The following GLT8D2 variants were observed in gnomAD, a reference collection of about 807,000 sequenced individuals.
GLT8D2 encodes glycosyltransferase 8 domain-containing protein 2.
GLT8D2 carries 45 observed loss-of-function variants against 44.5 expected under a neutral mutation model. The ratio of observed to expected loss-of-function variants is 1.01; its 90% CI spans 0.80 to 1.30. The LOEUF is 1.30. Ranked by LOEUF, GLT8D2 falls within the 50% of genes most tolerant of loss-of-function variation. The pLI is 0.00. For missense variants in GLT8D2, 400 were observed against 430.4 expected, an observed-to-expected ratio of 0.93 and a Z score of 0.62; for synonymous variants, 156 against 157.2, an observed-to-expected ratio of 0.99 and a Z score of 0.06.
chr12:104,049,370 A>AAAAGCATTT (rs1881500594), intron 1 of GLT8D2: 1 of 152,104 alleles, frequency 6.6e-6, no homozygotes, highest in Admixed American at 6.5e-5. Flanking sequence ...TTAATGTTTA[A>AAAAGCATTT]AAAGCATTTT....
intron 1 of GLT8D2, among the ~76,000 whole-genome samples, chr12:104,048,363 C>G (rs918482862): frequency 1.3e-5 from 2 of 152,192 alleles, no homozygotes; most frequent in African/African-American, 2.4e-5. Context: ...TTCTCAGGAC[C>G]TTTAAAATGC....
In GLT8D2 at chr12:103,996,673, G is replaced by T. The variant is rs1566190361; in HGVS notation, c.600+62C>A. 5.2e-6 allele frequency: 6 copies of T among 1,161,522 alleles called. No individual in the cohort carries two copies. In the Admixed American group the frequency reaches 1.1e-4, roughly 22 times the overall value. 72.0% of individuals were successfully genotyped at this position (1,161,522 alleles called of 1,614,324 possible). On this transcript the variant is annotated intron_variant, in intron 8 of 10. Coordinates refer to ENST00000360814, the MANE Select transcript of GLT8D2 (RefSeq NM_001384711.1). ...GGTTACACTCATTTTGACTTGCAGA[G>T]GGGGGAGAAGGGGCCAGAGTTGTAG... is the stretch of plus-strand genomic sequence containing the variant.
chr12:104,014,078 A>G (rs1425317207), intron 4 of GLT8D2, among the ~76,000 whole-genome samples: 1 of 152,192 alleles, frequency 6.6e-6, no homozygotes, highest in Non-Finnish European at 1.5e-5. Flanking sequence ...TATAAAAAGT[A>G]AATTAGCTGG....
chr12:104,056,199 G>T (rs1281715839), intron 1 of GLT8D2, among the ~76,000 whole-genome samples: 1 of 152,174 alleles, frequency 6.6e-6, no homozygotes, highest in East Asian at 1.9e-4. Flanking sequence ...CAAGATCCAT[G>T]GCTGGAGCCC....
At chr12:104,034,571 A>G (rs1357706933) in intron 1 of GLT8D2, among the ~76,000 whole-genome samples, 1 of 152,260 alleles carries the variant, frequency 6.6e-6, no homozygotes, top group Non-Finnish European at 1.5e-5. Context: ...CCTGCGAGGC[A>G]GCAGCCTGGC....
At chr12:104,021,965 G>GGAAGAA (rs1491401520) in intron 1 of GLT8D2, among the ~76,000 whole-genome samples, 8 of 8,890 alleles carry the variant, frequency 9.0e-4, no homozygotes, top group Non-Finnish European at 1.3e-3. Context: ...AGGAAGAAGA[G>GGAAGAA]GAAGAGGAAG....
intron 1 of GLT8D2, among the ~76,000 whole-genome samples, chr12:104,058,994 T>G (rs1286559278): frequency 6.6e-6 from 1 of 152,238 alleles, no homozygotes; most frequent in African/African-American, 2.4e-5. Context: ...GGACAAAGGA[T>G]GATTCACATC....
At chr12:104,003,421 T>C (rs1874522809) in intron 4 of GLT8D2, 115 bp from the exon 5 acceptor site, 4 of 886,550 alleles carry the variant, frequency 4.5e-6, no homozygotes, top group South Asian at 1.6e-5. Context: ...AGACTGCTGA[T>C]TGTTCTCCAA....
At chr12:104,009,437 C>T (rs1351675319) in intron 4 of GLT8D2, among the ~76,000 whole-genome samples, 2 of 152,196 alleles carry the variant, frequency 1.3e-5, no homozygotes, top group Admixed American at 6.5e-5. Flanking sequence ...ACCTGTACCC[C>T]CACTGTATCT....
chr12:104,049,650 C>T (rs1349173352), intron 1 of GLT8D2, among the ~76,000 whole-genome samples: 1 of 152,114 alleles, frequency 6.6e-6, no homozygotes, highest in Non-Finnish European at 1.5e-5. Flanking sequence ...AGGAGAAACC[C>T]AGGTCTGGAA....
intron 1 of GLT8D2, among the ~76,000 whole-genome samples, chr12:104,029,058 G>A (rs774136110): frequency 5.9e-5 from 9 of 152,316 alleles, no homozygotes; most frequent in Non-Finnish European, 1.3e-4. Flanking sequence ...TTGGGAGGCT[G>A]AGGCAGGTGG....
intron 1 of GLT8D2, among the ~76,000 whole-genome samples, chr12:104,039,265 C>T (rs1880277922): frequency 6.6e-6 from 1 of 152,156 alleles, no homozygotes; most frequent in African/African-American, 2.4e-5. Context: ...ACACCAAAAG[C>T]AATGGCAACA....
chr12:104,039,600 C>T (rs1166609568), intron 1 of GLT8D2, among the ~76,000 whole-genome samples: 3 of 152,180 alleles, frequency 2.0e-5, no homozygotes, highest in Non-Finnish European at 2.9e-5. Context: ...AATGAGATAC[C>T]ATCTCACACC....
intron 1 of GLT8D2, among the ~76,000 whole-genome samples, chr12:104,026,096 T>C (rs1878532463): frequency 1.3e-5 from 2 of 151,816 alleles, no homozygotes; most frequent in African/African-American, 2.4e-5. Context: ...CTGGACAATA[T>C]GGTGAAACCC....
chr12:104,020,073 C>A (rs1266899737), intron 2 of GLT8D2, among the ~76,000 whole-genome samples: 1 of 152,070 alleles, frequency 6.6e-6, no homozygotes, highest in Non-Finnish European at 1.5e-5. Flanking sequence ...GCATGCACCA[C>A]CACACCCAGC....
chr12:104,003,357 A>T, intron 4 of GLT8D2, 51 bp from the exon 5 acceptor site: 1 of 1,544,292 alleles, frequency 6.5e-7, no homozygotes, highest in Non-Finnish European at 8.9e-7. Flanking sequence ...TTCACAGTAG[A>T]GCCAGTTTAA....
At chr12:104,019,118 CTT>C (rs11291563) in intron 3 of GLT8D2, among the ~76,000 whole-genome samples, 339 of 116,418 alleles carry the variant, frequency 2.9e-3, no homozygotes, top group Middle Eastern at 4.5e-3. Flanking sequence ...ACTTCTTCTT[CTT>C]TTTTTTTTTT....
intron 1 of GLT8D2, chr12:104,063,915 TCTC>T (rs1234146360): frequency 1.3e-5 from 2 of 152,278 alleles, no homozygotes; most frequent in African/African-American, 4.8e-5. Context: ...GAAAACCATC[TCTC>T]CTCTGCTTAA....
intron 4 of GLT8D2, among the ~76,000 whole-genome samples, chr12:104,012,292 A>C (rs940968538): frequency 6.6e-6 from 1 of 151,808 alleles, no homozygotes; most frequent in Non-Finnish European, 1.5e-5. Context: ...CCCATTTAAC[A>C]TACCACAAGC....
Sources: allele counts gnomAD v4.1 joint callset (sites outside exome capture counted in the v4.1 genomes callset), GRCh38; gene constraint gnomAD v4.1.1; transcripts MANE v1.5; gene names NCBI Gene and HGNC (gene_info 2026-07-23, HGNC 2026-07-21).